Variants in EIF2A observed in about 807,000 individuals in gnomAD.
EIF2A encodes eukaryotic translation initiation factor 2A, also known as 65 kDa eukaryotic translation initiation factor 2A.
EIF2A carries 62 observed loss-of-function variants against 75.2 expected under a neutral mutation model. The observed-to-expected ratio is 0.82, with a 90% confidence interval of 0.67 to 1.02. The LOEUF (loss-of-function observed/expected upper bound fraction) is 1.02, where lower values mean the gene tolerates loss of function less well. Among genes scored for constraint, EIF2A ranks in the 50% least tolerant of loss-of-function variants. The pLI is 0.00. For synonymous variants in EIF2A, 207 were observed against 239.0 expected (o/e 0.87, Z 1.23); for missense variants, 611 against 677.7 (o/e 0.90, Z 1.09).
intron 2 of EIF2A, among the ~76,000 whole-genome samples, chr3:150,554,370 T>C (rs1338315132): frequency 5.9e-5 from 9 of 152,186 alleles, no homozygotes. Flanking sequence ...AAGTGGTTGA[T>C]GAGAAAAAGA....
At chr3:150,575,422 G>A (rs1724798507) in intron 10 of EIF2A, among the ~76,000 whole-genome samples, 1 of 152,106 alleles carries the variant, frequency 6.6e-6, no homozygotes, top group Admixed American at 6.5e-5. Context: ...AGTGAATTTT[G>A]CCAGCTCTGA....
intron 2 of EIF2A, among the ~76,000 whole-genome samples, chr3:150,554,521 A>G (rs1226136362): frequency 6.6e-6 from 1 of 152,184 alleles, no homozygotes; most frequent in Non-Finnish European, 1.5e-5. Flanking sequence ...AAAGCTCGTT[A>G]AAATCCAGAT....
intron 3 of EIF2A, among the ~76,000 whole-genome samples, chr3:150,562,024 G>T (rs1242359688): frequency 6.6e-6 from 1 of 151,982 alleles, no homozygotes; most frequent in African/African-American, 2.4e-5. Flanking sequence ...CTCCCAAAGT[G>T]CTGGGATTAC....
intron 1 of EIF2A, 144 bp from the exon 2 acceptor site, chr3:150,552,212 T>G: frequency 1.5e-6 from 1 of 656,070 alleles, no homozygotes; most frequent in Non-Finnish European, 2.6e-6. Flanking sequence ...TATGCCCTTT[T>G]GTTGCTAATA....
chr3:150,548,983 G>T (rs891074491), intron 1 of EIF2A, among the ~76,000 whole-genome samples: 2 of 152,092 alleles, frequency 1.3e-5, no homozygotes, highest in Non-Finnish European at 2.9e-5. Flanking sequence ...TTCAACAATA[G>T]ATTATTTTAC....
In EIF2A at chr3:150,583,193, T is replaced by A; in HGVS notation, c.1627-7T>A. The A allele has an allele frequency of 3.7e-6, 6 of 1,610,478 alleles. No homozygotes were observed. The highest frequency in any genetic ancestry group is 4.2e-6 in the Non-Finnish European group (5 of 1,178,930). ...CCATGCTCTTGACTCATATTTGATGTTTGCAGAAACTGAAAGCAATCGAAC... is the reference window on the plus strand; with the variant it reads ...CCATGCTCTTGACTCATATTTGATGATTGCAGAAACTGAAAGCAATCGAAC... On this transcript the variant is annotated splice_polypyrimidine_tract_variant and splice_region_variant and intron_variant, in intron 12 of 13. Transcript: ENST00000460851.
intron 3 of EIF2A, among the ~76,000 whole-genome samples, chr3:150,558,991 A>T (rs1170444905): frequency 6.6e-6 from 1 of 152,182 alleles, no homozygotes; most frequent in Non-Finnish European, 1.5e-5. Flanking sequence ...TTAAATGCTT[A>T]TATTTTATTA....
intron 2 of EIF2A, among the ~76,000 whole-genome samples, chr3:150,553,138 C>T (rs1335500945): frequency 6.6e-6 from 1 of 152,000 alleles, no homozygotes; most frequent in African/African-American, 2.4e-5. Flanking sequence ...GCCAACATGG[C>T]AAAACCCCAT....
At chr3:150,557,704 G>C (rs538778584) in intron 2 of EIF2A, 1 of 390,192 alleles carries the variant, frequency 2.6e-6, no homozygotes, top group East Asian at 1.1e-4. Flanking sequence ...ATGAGAAAGA[G>C]ATTTTAAAAA....
At chr3:150,547,653 C>G (rs1207058970) in intron 1 of EIF2A, among the ~76,000 whole-genome samples, 1 of 152,168 alleles carries the variant, frequency 6.6e-6, no homozygotes, top group Non-Finnish European at 1.5e-5. Context: ...GAAAGGTTGT[C>G]TGCATTTAAG....
intron 3 of EIF2A, among the ~76,000 whole-genome samples, chr3:150,559,586 G>A (rs1283568817): frequency 6.7e-6 from 1 of 148,676 alleles, no homozygotes; most frequent in African/African-American, 2.5e-5. Context: ...CGCCTCCCAG[G>A]TTCAAGCGAT....
Position 150,583,251 on chromosome 3 carries a change from C to G in EIF2A, c.1678C>G (p.Leu560Val). Reference sequence around the variant, plus strand: ...AGAACAAGCAGCAACTGGAAAACAGCTAGAAAAAAATCAGGTACTTTCTGC... The same window carrying G: ...AGAACAAGCAGCAACTGGAAAACAGGTAGAAAAAAATCAGGTACTTTCTGC... ...LKEQAATGKQLEKNQLEKIQK... is the reference protein window; with the variant it reads ...LKEQAATGKQVEKNQLEKIQK... The change falls in exon 13 of 14, where the codon CTA (leucine) becomes GTA (valine). Residue 560 changes from leucine (L) to valine (V), a missense_variant. Leu to Val is a conservative substitution (Grantham distance 32). Transcript: ENST00000460851. 1.2e-6 allele frequency: 2 copies of G among 1,612,764 alleles called. No homozygotes were observed. Among genetic ancestry groups the G allele is most frequent in the Non-Finnish European group, 1.7e-6 (2 of 1,179,488 alleles).
intron 9 of EIF2A, among the ~76,000 whole-genome samples, chr3:150,570,083 TTATACA>T (rs1559881941): frequency 6.6e-6 from 1 of 152,264 alleles, no homozygotes; most frequent in East Asian, 1.9e-4. Context: ...GGTCAAAAAC[TTATACA>T]TAAGACTGCA....
chr3:150,554,491 CA>C (rs1428115475), intron 2 of EIF2A, among the ~76,000 whole-genome samples: 1 of 152,140 alleles, frequency 6.6e-6, no homozygotes, highest in Admixed American at 6.5e-5. Context: ...CAAACTTTAC[CA>C]AGCATCAGAA....
At chr3:150,581,571 A>T (rs1393672024) in intron 11 of EIF2A, 47 bp from the exon 12 acceptor site, 1 of 1,541,718 alleles carries the variant, frequency 6.5e-7, no homozygotes, top group Non-Finnish European at 8.8e-7. Context: ...TAAATACTGT[A>T]ATGTTTTTGG....
intron 2 of EIF2A, among the ~76,000 whole-genome samples, chr3:150,553,691 G>A (rs1381093522): frequency 6.6e-6 from 1 of 152,164 alleles, no homozygotes; most frequent in Non-Finnish European, 1.5e-5. Flanking sequence ...GATTACAGAC[G>A]TGAGCCACCA....
intron 1 of EIF2A, among the ~76,000 whole-genome samples, chr3:150,548,474 C>T (rs138883457): frequency 6.9e-4 from 105 of 152,286 alleles, no homozygotes; most frequent in African/African-American, 2.4e-3. Context: ...TATCTGTCTT[C>T]TCAGTACTAG....
At chr3:150,558,484 A>T in intron 3 of EIF2A, 22 bp downstream of exon 3, 1 of 1,466,130 alleles carries the variant, frequency 6.8e-7, no homozygotes, top group South Asian at 1.4e-5. Flanking sequence ...TTTACATAAC[A>T]TATTTTGTGT....
In EIF2A at chr3:150,584,206, T is replaced by C; in HGVS notation, c.*295T>C. On this transcript the variant is annotated 3_prime_UTR_variant, in exon 14 of 14. Coordinates refer to ENST00000460851, the MANE Select transcript of EIF2A (RefSeq NM_032025.5). ...TCATTTTTTTTTGTAGAGGGTGATA[T>C]ATACCATGTAAATGAACAAAGACAT... 3.9e-6 allele frequency: 1 copy of C among 259,114 alleles called. No homozygotes were observed. Among genetic ancestry groups the C allele is most frequent in the East Asian group, 7.2e-5 (1 of 13,860 alleles). The allele number at this position is 259,114 out of a possible 1,614,324, so 16.1% of individuals were successfully genotyped here.
Sources: gnomAD v4.1 joint callset for allele counts (sites outside exome capture counted in the v4.1 genomes callset) on GRCh38, gnomAD v4.1.1 for gene constraint, MANE v1.5 for transcripts, NCBI Gene and HGNC (gene_info 2026-07-23, HGNC 2026-07-21) for gene names.